The following SAMD12 variants were observed in gnomAD, a reference collection of about 807,000 sequenced individuals.
The protein encoded by SAMD12 is sterile alpha motif domain containing 12.
A neutral mutation model predicts 15.0 loss-of-function variants in SAMD12; 9 were observed. The observed-to-expected ratio is 0.60, with a 90% CI of 0.36 to 1.05. The LOEUF is 1.05. Among genes scored for constraint, SAMD12 ranks in the 50% least tolerant of loss-of-function variants. SAMD12 has a pLI of 0.01. For missense variants in SAMD12, 230 were observed against 234.2 expected, an observed-to-expected ratio of 0.98 and a Z score of 0.12; for synonymous variants, 86 against 90.1, an observed-to-expected ratio of 0.96 and a Z score of 0.25.
intron 4 of SAMD12, among the ~76,000 whole-genome samples, chr8:118,311,583 G>C (rs894582986): frequency 6.6e-6 from 1 of 152,212 alleles, no homozygotes; most frequent in Non-Finnish European, 1.5e-5. Flanking sequence ...AGCAGGTCTA[G>C]GTGATTGAAA....
chr8:118,194,754 T>G (rs974051747), exon 5 of SAMD12: 4 of 152,182 alleles, frequency 2.6e-5, no homozygotes, highest in Admixed American at 6.5e-5. Flanking sequence ...CGTACATGCA[T>G]CTTGGGAAGA....
chr8:118,416,653 C>T (rs914731788), intron 3 of SAMD12, among the ~76,000 whole-genome samples: 1 of 152,200 alleles, frequency 6.6e-6, no homozygotes, highest in Non-Finnish European at 1.5e-5. Context: ...ACCAGTATTA[C>T]TCACGATAAC....
chr8:118,534,070 G>C (rs981377972), intron 2 of SAMD12, among the ~76,000 whole-genome samples: 6 of 152,220 alleles, frequency 3.9e-5, no homozygotes, highest in Non-Finnish European at 7.3e-5. Context: ...TGTTTTTGCA[G>C]TGGCTGGTAC....
At chr8:118,456,953 C>T (rs1395152882) in intron 2 of SAMD12, among the ~76,000 whole-genome samples, 1 of 152,168 alleles carries the variant, frequency 6.6e-6, no homozygotes, top group African/African-American at 2.4e-5. Flanking sequence ...TTTTTCCATT[C>T]ACTAGCTGTG....
At position 118,524,656 on chromosome 8, in the gene SAMD12, A is replaced by C. The variant is rs546758985; in HGVS notation, c.192+56059T>G. Among the ~76,000 whole-genome samples the C allele has an allele frequency of 3.3e-5, 5 of 152,284 alleles. No individual in the cohort carries two copies. The South Asian group carries it at 1.0e-3, about 32-fold the overall frequency. On this transcript the variant is annotated intron_variant, in intron 2 of 3. Coordinates refer to ENST00000314727, the MANE Select transcript of SAMD12 (RefSeq NM_207506.3). ...AACATCTCCAACTAAGAATGTCTTA[A>C]AGAGAGTTCCTGATATCCATTATCA...
At chr8:118,138,983 G>T in the SAMD12 span, among the ~76,000 whole-genome samples, 1 of 152,254 alleles carries the variant, frequency 6.6e-6, no homozygotes, top group South Asian at 2.1e-4. Context: ...CTCATTGCTG[G>T]ACTCTAAATT....
At chr8:118,490,894 G>T (rs1824422904) in intron 2 of SAMD12, among the ~76,000 whole-genome samples, 1 of 151,226 alleles carries the variant, frequency 6.6e-6, no homozygotes, top group Admixed American at 6.6e-5. Flanking sequence ...TCTTTGGGTT[G>T]CTATGTCCAA....
At chr8:118,146,356 T>C in the SAMD12 span, among the ~76,000 whole-genome samples, 1 of 152,180 alleles carries the variant, frequency 6.6e-6, no homozygotes, top group Non-Finnish European at 1.5e-5. Flanking sequence ...GAGAAGTACA[T>C]GGGGGTAAAG....
In SAMD12 at chr8:118,385,758, C is replaced by T. The variant is rs1354943589; in HGVS notation, c.323-6058G>A. 1.3e-5 allele frequency among the ~76,000 whole-genome samples: 2 copies of T among 152,122 alleles called. 1 individual carries two copies. The highest frequency in any genetic ancestry group is 1.3e-4 in the Admixed American group (2 of 15,260). ...TACTGAGCACATATCCTTAGTGCTACTAAATTAACATAAAGGTAATCTTCT... is the reference window on the plus strand; with the variant it reads ...TACTGAGCACATATCCTTAGTGCTATTAAATTAACATAAAGGTAATCTTCT... On this transcript the variant is annotated intron_variant, in intron 3 of 3. Coordinates refer to ENST00000314727, the MANE Select transcript of SAMD12 (RefSeq NM_207506.3).
At position 118,321,584 on chromosome 8, in the gene SAMD12, AG is replaced by A. The variant is rs1473180079; in HGVS notation, c.433+57975del. ...AGCCAAGATCACACCACTGCACTCT[AG>A]CATGGGCAACAGAGTGTGACTCTGT... On this transcript the variant is annotated intron_variant, in intron 4 of 4. Transcript: ENST00000409003. Among the ~76,000 whole-genome samples, 16 of 152,050 alleles carry A rather than the reference AG, an allele frequency of 1.1e-4. No homozygotes were observed. In the East Asian group the frequency reaches 2.9e-3, roughly 28 times the overall value.
At chr8:118,548,414 CACA>C (rs1486329593) in intron 2 of SAMD12, among the ~76,000 whole-genome samples, 36 of 148,438 alleles carry the variant, frequency 2.4e-4, no homozygotes, top group African/African-American at 9.1e-4. Flanking sequence ...CACACACACA[CACA>C]CACACACCCC....
the SAMD12 span, among the ~76,000 whole-genome samples, chr8:118,132,972 G>GTGTA: frequency 4.1e-5 from 2 of 48,248 alleles, no homozygotes; most frequent in African/African-American, 1.4e-4. Context: ...GTGTGTGTGT[G>GTGTA]TATATATATA....
chr8:118,348,887 G>A (rs1400329117), intron 4 of SAMD12, among the ~76,000 whole-genome samples: 1 of 152,132 alleles, frequency 6.6e-6, no homozygotes, highest in East Asian at 1.9e-4. Context: ...TGACACTCAA[G>A]GCCAATCAAA....
At chr8:118,471,490 A>T (rs535307475) in intron 2 of SAMD12, among the ~76,000 whole-genome samples, 12 of 152,236 alleles carry the variant, frequency 7.9e-5, no homozygotes, top group Non-Finnish European at 1.8e-4. Context: ...GCACCAAATT[A>T]TAACCAATGT....
chr8:118,217,236 T>G (rs1811985074), intron 4 of SAMD12, among the ~76,000 whole-genome samples: 2 of 152,214 alleles, frequency 1.3e-5, no homozygotes, highest in Non-Finnish European at 2.9e-5. Context: ...TCTCTTGACC[T>G]TGTGATCTGC....
chr8:118,516,638 C>CTTTTT (rs34734575), intron 2 of SAMD12, among the ~76,000 whole-genome samples: 1 of 139,914 alleles, frequency 7.1e-6, no homozygotes, highest in Non-Finnish European at 1.5e-5. Context: ...TTCTTTCTTT[C>CTTTTT]TTTTTTTTTT....
chr8:118,277,674 C>T (rs558940968), intron 4 of SAMD12, among the ~76,000 whole-genome samples: 239 of 151,954 alleles, frequency 1.6e-3, no homozygotes, highest in African/African-American at 5.5e-3. Context: ...AAAATACTTT[C>T]TGTCCATTAT....
chr8:118,503,442 T>G (rs1824840336), intron 2 of SAMD12, among the ~76,000 whole-genome samples: 1 of 152,188 alleles, frequency 6.6e-6, no homozygotes, highest in Admixed American at 6.5e-5. Context: ...TGAACAGTGC[T>G]CAGGGATCCC....
chr8:118,260,471 A>G (rs1245158548), intron 4 of SAMD12, among the ~76,000 whole-genome samples: 1 of 152,098 alleles, frequency 6.6e-6, no homozygotes, highest in East Asian at 1.9e-4. Flanking sequence ...GTCTTCTACC[A>G]TTGCACCAAG....
Sources: allele counts gnomAD v4.1 joint callset (sites outside exome capture counted in the v4.1 genomes callset), GRCh38; gene constraint gnomAD v4.1.1; transcripts MANE v1.5; gene names NCBI Gene and HGNC (gene_info 2026-07-23, HGNC 2026-07-21).